PTPRD: variants seen among roughly 807,000 people sequenced by gnomAD.
PTPRD encodes receptor-type tyrosine-protein phosphatase delta.
In PTPRD, 34 loss-of-function variants were observed where a neutral mutation model predicts 214.5. The ratio of observed to expected loss-of-function variants is 0.16; its 90% CI spans 0.12 to 0.21. The LOEUF (loss-of-function observed/expected upper bound fraction) is 0.21, where lower values mean the gene tolerates loss of function less well. Among genes scored for constraint, PTPRD ranks in the 10% least tolerant of loss-of-function variants. The probability of loss-of-function intolerance (pLI) is 1.00; values close to 1 mark genes in which losing one functional copy is unlikely to be tolerated. For synonymous variants in PTPRD, 1,128 were observed against 845.7 expected (o/e 1.33, Z -5.79); for missense variants, 2,545 against 2,398.7 (o/e 1.06, Z -1.27).
At chr9:9,407,883 G>A (rs1315772683) in intron 8 of PTPRD, among the ~76,000 whole-genome samples, 1 of 151,668 alleles carries the variant, frequency 6.6e-6, no homozygotes, top group African/African-American at 2.4e-5. Context: ...TAATTATCTT[G>A]TAAAATTTTG....
At chr9:9,084,028 TTTG>T (rs2099763119) in intron 10 of PTPRD, among the ~76,000 whole-genome samples, 1 of 152,128 alleles carries the variant, frequency 6.6e-6, no homozygotes, top group African/African-American at 2.4e-5. Flanking sequence ...AGAAATACCG[TTTG>T]ACCCAGCAAT....
chr9:8,651,763 C>A (rs1003552165), intron 12 of PTPRD, among the ~76,000 whole-genome samples: 2 of 151,998 alleles, frequency 1.3e-5, no homozygotes, highest in Admixed American at 6.6e-5. Flanking sequence ...TTTGGCCAAT[C>A]TTTTTGTTAC....
rs200587462 is a variant in PTPRD at position 9,864,329 on chromosome 9, TA to T, written c.-368+74177del. 7.3e-3 allele frequency among the ~76,000 whole-genome samples: 989 copies of T among 134,788 alleles called. 5 individuals carry two copies. The highest frequency in any genetic ancestry group is 0.017 in the African/African-American group (595 of 34,406). The allele number at this position is 134,788 out of a possible 152,430, so 88.4% of individuals were successfully genotyped here. On this transcript the variant is annotated intron_variant, in intron 5 of 45. Transcript: ENST00000381196. ...TTAAGAAAAAGAAAAAGAGAAAGAT[TA>T]AAAAAAAAAAAAGTTTTGTGGGATA...
At chr9:8,320,588 C>G (rs866135097) in intron 44 of PTPRD, among the ~76,000 whole-genome samples, 31 of 151,968 alleles carry the variant, frequency 2.0e-4, no homozygotes, top group Admixed American at 3.3e-4. Context: ...GAAGTAAATA[C>G]TATGTTGTTT....
chr9:9,434,140 A>T (rs1236409277), intron 8 of PTPRD, among the ~76,000 whole-genome samples: 1 of 152,170 alleles, frequency 6.6e-6, no homozygotes, highest in Non-Finnish European at 1.5e-5. Flanking sequence ...TTGTAATATG[A>T]GTCCTAGAGT....
chr9:8,996,387 G>C (rs753322730), intron 11 of PTPRD, among the ~76,000 whole-genome samples: 1 of 152,044 alleles, frequency 6.6e-6, no homozygotes, highest in Non-Finnish European at 1.5e-5. Context: ...TTACGTAATG[G>C]ATGATTACAT....
chr9:9,125,266 C>A (rs1011656678), intron 10 of PTPRD, among the ~76,000 whole-genome samples: 4 of 152,170 alleles, frequency 2.6e-5, no homozygotes, highest in African/African-American at 9.7e-5. Context: ...TATTACCTAG[C>A]CAAACTTCCT....
At position 8,484,170 on chromosome 9, in the gene PTPRD, T is replaced by A. The variant is rs755535024; in HGVS notation, c.3362A>T (p.Asp1121Val). The change falls in exon 30 of 46, where the codon GAT (aspartate) becomes GTT (valine). Residue 1121 changes from aspartate to valine, a missense_variant. By Grantham distance (152) the Asp-to-Val change is radical. Coordinates refer to ENST00000381196, the MANE Select transcript of PTPRD (RefSeq NM_002839.4). Reference protein sequence around the residue: ...KPAFIGKTNLDGMITVQLPEV... With the variant: ...KPAFIGKTNLVGMITVQLPEV... ...AGGCAGTTGCACAGTAATCATGCCA[T>A]CCAAGTTGGTCTTCCCAATGAAGGC... The A allele has an allele frequency of 6.2e-7, 1 of 1,614,210 alleles. No individual in the cohort carries two copies. The highest frequency in any genetic ancestry group is 1.1e-5 in the South Asian group (1 of 91,090).
At chr9:10,562,998 G>T (rs953916766) in intron 2 of PTPRD, among the ~76,000 whole-genome samples, 1 of 152,100 alleles carries the variant, frequency 6.6e-6, no homozygotes, top group Non-Finnish European at 1.5e-5. Context: ...GAAATGATGA[G>T]ACATTAAGGC....
At chr9:9,667,726 C>T (rs761481290) in intron 7 of PTPRD, among the ~76,000 whole-genome samples, 4 of 152,106 alleles carry the variant, frequency 2.6e-5, no homozygotes, top group Non-Finnish European at 4.4e-5. Context: ...CAAGCATTAG[C>T]GTACCTCTGA....
chr9:8,858,806 C>CACACACACACACACACACACAT (rs2098021311), intron 11 of PTPRD, among the ~76,000 whole-genome samples: 1 of 137,716 alleles, frequency 7.3e-6, no homozygotes, highest in African/African-American at 3.2e-5. Flanking sequence ...AACACACACA[C>CACACACACACACACACACACAT]ACACACACAC....
At chr9:9,161,729 T>A (rs918997157) in intron 10 of PTPRD, among the ~76,000 whole-genome samples, 7 of 152,086 alleles carry the variant, frequency 4.6e-5, no homozygotes, top group South Asian at 2.1e-4. Flanking sequence ...AAATTATAGA[T>A]ACATTTAAAA....
At chr9:9,407,625 T>C (rs559885706) in intron 8 of PTPRD, among the ~76,000 whole-genome samples, 1 of 151,908 alleles carries the variant, frequency 6.6e-6, no homozygotes, top group African/African-American at 2.4e-5. Context: ...AAAAGCCAAA[T>C]TTCACTTTTA....
chr9:10,047,617 C>A (rs1305128814), intron 3 of PTPRD, among the ~76,000 whole-genome samples: 1 of 151,948 alleles, frequency 6.6e-6, no homozygotes, highest in Non-Finnish European at 1.5e-5. Flanking sequence ...ATACCCCTGC[C>A]AAAATTTGTG....
intron 10 of PTPRD, among the ~76,000 whole-genome samples, chr9:9,181,108 T>G (rs892292945): frequency 1.3e-5 from 2 of 152,060 alleles, no homozygotes; most frequent in Non-Finnish European, 2.9e-5. Context: ...CTTTGCCTCC[T>G]TGGCCATCAG....
Position 9,209,367 on chromosome 9 carries a change from G to A in PTPRD, c.-202-26004C>T, listed in dbSNP as rs538690333. On this transcript the variant is annotated intron_variant, in intron 9 of 45. Transcript: ENST00000381196. ...AGGCAGAACCTAGAGATCAGAAGAG[G>A]GAAATATCAATCAGCCTCACTGTGT... Among the ~76,000 whole-genome samples the A allele has an allele frequency of 1.1e-4, 17 of 152,220 alleles. No individual in the cohort carries two copies. In the South Asian group the frequency reaches 3.5e-3, roughly 32 times the overall value.
chr9:9,066,913 T>A (rs962395887), intron 10 of PTPRD, among the ~76,000 whole-genome samples: 1 of 152,190 alleles, frequency 6.6e-6, no homozygotes, highest in Non-Finnish European at 1.5e-5. Context: ...TTCTGTTGTT[T>A]TAATTCATCA....
intron 11 of PTPRD, chr9:8,936,182 A>T (rs920300004): frequency 1.3e-5 from 2 of 152,106 alleles, no homozygotes; most frequent in Non-Finnish European, 2.9e-5. Context: ...TGACTGAGGT[A>T]AGTGGATCGC....
chr9:9,200,303 ATTCCT>A (rs2099941116), intron 9 of PTPRD, among the ~76,000 whole-genome samples: 1 of 152,212 alleles, frequency 6.6e-6, no homozygotes, highest in African/African-American at 2.4e-5. Context: ...GATGAAACAC[ATTCCT>A]TTCATTTAAC....
Sources: gnomAD v4.1 joint callset for allele counts (sites outside exome capture counted in the v4.1 genomes callset) on GRCh38, gnomAD v4.1.1 for gene constraint, MANE v1.5 for transcripts, NCBI Gene and HGNC (gene_info 2026-07-23, HGNC 2026-07-21) for gene names.